TTC12: variants seen among roughly 807,000 people sequenced by gnomAD.
The protein encoded by TTC12 is tetratricopeptide repeat protein 12.
TTC12 carries 70 observed loss-of-function variants against 90.1 expected under a neutral mutation model. The ratio of observed to expected loss-of-function variants is 0.78; its 90% CI spans 0.64 to 0.95. TTC12 has a LOEUF of 0.95. Ranked by LOEUF, TTC12 falls within the 40% of genes least tolerant of loss-of-function variation. The probability of loss-of-function intolerance (pLI) is 0.00; values close to 1 mark genes in which losing one functional copy is unlikely to be tolerated. For missense variants in TTC12, 819 were observed against 846.1 expected (o/e 0.97, Z 0.40); for synonymous variants, 296 against 311.5 (o/e 0.95, Z 0.53).
At chr11:113,368,409 C>T (rs1165955538), downstream of TTC12, 2 of 1,549,594 alleles carry the variant, frequency 1.3e-6, no homozygotes, top group African/African-American at 2.7e-5. Context: ...CAGAAGGCCT[C>T]ATCTCCACTT....
At chr11:113,364,652 A>C in intron 20 of TTC12, 183 bp from the exon 21 acceptor site, 3 of 606,780 alleles carry the variant, frequency 4.9e-6, no homozygotes, top group Non-Finnish European at 8.9e-6. Flanking sequence ...TTCAGCAAGG[A>C]GTTGAGGAGG....
At chr11:113,365,179 C>A in intron 21 of TTC12, 119 bp downstream of exon 21, 2 of 881,268 alleles carry the variant, frequency 2.3e-6, no homozygotes, top group Non-Finnish European at 3.5e-6. Flanking sequence ...CTCATGCTTT[C>A]TGTGCAGACC....
chr11:113,371,096 A>G (rs978004451), downstream of TTC12, among the ~76,000 whole-genome samples: 2 of 152,174 alleles, frequency 1.3e-5, no homozygotes, highest in African/African-American at 4.8e-5. Context: ...AATTATTGGA[A>G]CAAGAGGCTG....
Position 113,341,882 on chromosome 11 carries a change from T to C in TTC12, c.942T>C (p.Cys314=). The C allele has an allele frequency of 6.2e-7, 1 of 1,614,212 alleles. No homozygotes were observed. The highest frequency in any genetic ancestry group is 8.5e-7 in the Non-Finnish European group (1 of 1,180,040). The change falls in exon 12 of 22, where the codon TGT becomes TGC. Residue 314 remains cysteine (C), a synonymous_variant. Coordinates refer to ENST00000529221, the MANE Select transcript of TTC12 (RefSeq NM_017868.4). ...ATGATGCAGTTGAAGAAATGGTCTGTGTGTCTGTTCTCAAGCTCTGGCAAG... is the reference window on the plus strand; with the variant it reads ...ATGATGCAGTTGAAGAAATGGTCTGCGTGTCTGTTCTCAAGCTCTGGCAAG... The part of the protein sequence containing the change: ...AGNDAVEEMV[C]VSVLKLWQAV...
rs781894749 is a variant in TTC12, at chr11:113,324,714, G to C, written c.322+32G>C. On this transcript the variant is annotated intron_variant, in intron 5 of 21. Coordinates refer to ENST00000529221, the MANE Select transcript of TTC12 (RefSeq NM_017868.4). ...GTCAGTCCTTACTTTTCAATGGCTG[G>C]GATGATTTGTGCTAGAAAGAGCACA... 4.4e-6 allele frequency: 7 copies of C among 1,590,748 alleles called. No homozygotes were observed. In the East Asian group the frequency reaches 1.6e-4, roughly 36 times the overall value.
chr11:113,323,192 A>T, intron 2 of TTC12, 96 bp from the exon 3 acceptor site: 1 of 961,434 alleles, frequency 1.0e-6, no homozygotes. Flanking sequence ...TTTTTTCTTT[A>T]AGATCTTTCC....
At position 113,344,388 on chromosome 11, in the gene TTC12, G is replaced by A. The variant is rs566081929; in HGVS notation, c.1102G>A (p.Ala368Thr). The change falls in exon 13 of 22, where the codon GCC (alanine) becomes ACC (threonine). Residue 368 changes from alanine to threonine, a missense_variant. Transcript: ENST00000529221. ...GAGCTTTGCCCTGCTGCTGCATCTCGCCCAGACTGAGAGCGGACGGAGCCT... is the reference window on the plus strand; with the variant it reads ...GAGCTTTGCCCTGCTGCTGCATCTCACCCAGACTGAGAGCGGACGGAGCCT... ...QQSFALLLHL[A>T]QTESGRSLII... 3.9e-5 allele frequency: 63 copies of A among 1,614,102 alleles called. No homozygotes were observed. Among genetic ancestry groups the A allele is most frequent in the African/African-American group, 8.0e-5 (6 of 75,006 alleles).
intron 16 of TTC12, among the ~76,000 whole-genome samples, chr11:113,357,715 A>G (rs1474713859): frequency 1.3e-5 from 2 of 152,136 alleles, no homozygotes; most frequent in African/African-American, 4.8e-5. Context: ...TCAGCTCCCA[A>G]CTTCTGGACT....
rs1947638982 is a variant in TTC12 at position 113,325,615 on chromosome 11, C to T, written c.414C>T (p.Asp138=). 1 of 1,613,850 alleles carries T rather than the reference C, an allele frequency of 6.2e-7. No individual in the cohort carries two copies. Among genetic ancestry groups the T allele is most frequent in the Admixed American group, 1.7e-5 (1 of 60,000 alleles). The change falls in exon 6 of 22, where the codon GAC becomes GAT. Residue 138 remains aspartate (D), a synonymous_variant. Transcript: ENST00000529221. ...GTGAGGGTTTGGAGAAGCTGAAGGA[C>T]ATGAAAGTGCTGTACACCAACCGAG... The part of the protein sequence containing the change: ...RYSEGLEKLK[D]MKVLYTNRAQ...
chr11:113,339,504 G>A, intron 10 of TTC12, 30 bp downstream of exon 10: 3 of 1,576,230 alleles, frequency 1.9e-6, no homozygotes, highest in Admixed American at 1.8e-5. Context: ...GATCTCATGA[G>A]TGCTGTCAGT....
Position 113,352,262 on chromosome 11 carries a change from G to T in TTC12, c.1446+55G>T, listed in dbSNP as rs17115393. The T allele has an allele frequency of 8.7e-3, 13,923 of 1,609,164 alleles. 790 individuals are homozygous for T. In the African/African-American group the frequency reaches 0.13, roughly 15 times the overall value. ...CTTTATCCTCTTTGGGGGCATTAGC[G>T]TCTTCTTAGTTATCTGACTTTTCCA... is the stretch of plus-strand genomic sequence containing the variant. On this transcript the variant is annotated intron_variant, in intron 16 of 21. Coordinates refer to ENST00000529221, the MANE Select transcript of TTC12 (RefSeq NM_017868.4).
chr11:113,339,735 A>T (rs931363729), intron 10 of TTC12, among the ~76,000 whole-genome samples: 1 of 152,202 alleles, frequency 6.6e-6, no homozygotes, highest in African/African-American at 2.4e-5. Flanking sequence ...CACACTCGAT[A>T]TATACTTACA....
intron 12 of TTC12, among the ~76,000 whole-genome samples, chr11:113,343,943 A>G (rs982194314): frequency 2.0e-5 from 3 of 152,204 alleles, no homozygotes; most frequent in Admixed American, 6.5e-5. Context: ...AAGTTTGACA[A>G]TAATGACACA....
At position 113,329,875 on chromosome 11, in the gene TTC12, T is replaced by G. The variant is rs782729630; in HGVS notation, c.445-45T>G. On this transcript the variant is annotated intron_variant, in intron 6 of 21. Coordinates refer to ENST00000529221, the MANE Select transcript of TTC12 (RefSeq NM_017868.4). ...CTTTCTGTGTGAACTGAAAACTGCC[T>G]GATGCAGAATTGTGTGTGAATATCA... is the stretch of plus-strand genomic sequence containing the variant. 11 of 1,525,972 alleles carry G rather than the reference T, an allele frequency of 7.2e-6. No individual in the cohort carries two copies. In the East Asian group the frequency reaches 2.0e-4, roughly 28 times the overall value. The allele number at this position is 1,525,972 out of a possible 1,614,324, so 94.5% of individuals were successfully genotyped here.
intron 13 of TTC12, among the ~76,000 whole-genome samples, chr11:113,348,757 G>T (rs983485798): frequency 3.3e-5 from 5 of 152,204 alleles, no homozygotes; most frequent in South Asian, 2.1e-4. Context: ...ATCTGTCCCA[G>T]AGACCCCCAC....
chr11:113,368,453 G>A (rs755148833), downstream of TTC12: 240 of 1,550,408 alleles, frequency 1.5e-4, no homozygotes, highest in Non-Finnish European at 2.0e-4. Flanking sequence ...TGGAGACACG[G>A]CTTGTTCCAG....
chr11:113,349,904 T>C (rs942456440), intron 13 of TTC12, among the ~76,000 whole-genome samples, 169 bp from the exon 14 acceptor site: 1 of 152,136 alleles, frequency 6.6e-6, no homozygotes, highest in Non-Finnish European at 1.5e-5. Context: ...AGAGTATCTG[T>C]CTCTGGGTGG....
chr11:113,357,427 G>T (rs1949689711), intron 16 of TTC12, among the ~76,000 whole-genome samples: 1 of 152,066 alleles, frequency 6.6e-6, no homozygotes. Context: ...TTCTATTTGT[G>T]TCATTTCAGC....
In TTC12 at chr11:113,353,328, T is replaced by G. The variant is rs183354631; in HGVS notation, c.1446+1121T>G. 1.5e-3 allele frequency among the ~76,000 whole-genome samples: 226 copies of G among 152,332 alleles called. 1 individual carries two copies. Among genetic ancestry groups the G allele is most frequent in the Non-Finnish European group, 2.7e-3 (183 of 68,030 alleles). ...TTAATGGGGTAGTTTATTTTTCTCT[T>G]GTAAATTTTTTTAAGTTCTTTATAG... On this transcript the variant is annotated intron_variant, in intron 16 of 21. Transcript: ENST00000529221.
Sources: gnomAD v4.1 joint callset for allele counts (sites outside exome capture counted in the v4.1 genomes callset) on GRCh38, gnomAD v4.1.1 for gene constraint, MANE v1.5 for transcripts, NCBI Gene and HGNC (gene_info 2026-07-23, HGNC 2026-07-21) for gene names.